The following CTTNBP2 variants were observed in gnomAD, a reference collection of about 807,000 sequenced individuals.
CTTNBP2 encodes cortactin-binding protein 2.
CTTNBP2 carries 108 observed loss-of-function variants against 156.9 expected under a neutral mutation model. That is an observed-to-expected ratio of 0.69 (90% CI 0.59 to 0.81). The LOEUF (loss-of-function observed/expected upper bound fraction) is 0.81, where lower values mean the gene tolerates loss of function less well. Among genes scored for constraint, CTTNBP2 ranks in the 30% least tolerant of loss-of-function variants. CTTNBP2 has a pLI of 0.00. For synonymous variants in CTTNBP2, 767 were observed against 751.8 expected, an observed-to-expected ratio of 1.02 and a Z score of -0.33; for missense variants, 1,924 against 2,035.4, an observed-to-expected ratio of 0.95 and a Z score of 1.05.
intron 2 of CTTNBP2, among the ~76,000 whole-genome samples, chr7:117,843,012 C>T (rs1309165776): frequency 6.6e-6 from 1 of 152,106 alleles, no homozygotes; most frequent in East Asian, 1.9e-4. Context: ...GATTCACACT[C>T]ACAGATTCAA....
intron 1 of CTTNBP2, among the ~76,000 whole-genome samples, chr7:117,867,778 C>G (rs968984467): frequency 7.9e-5 from 12 of 152,120 alleles, no homozygotes; most frequent in African/African-American, 2.4e-4. Flanking sequence ...ACATATAGTA[C>G]GAGAACATGA....
chr7:117,746,550 TGA>T (rs1314531605), intron 12 of CTTNBP2, among the ~76,000 whole-genome samples: 1 of 152,238 alleles, frequency 6.6e-6, no homozygotes, highest in Non-Finnish European at 1.5e-5. Flanking sequence ...AAAAAATTAC[TGA>T]GTGTCAGCAC....
chr7:117,861,159 G>A (rs769954048), intron 2 of CTTNBP2, 50 bp downstream of exon 2: 1 of 1,183,596 alleles, frequency 8.4e-7, no homozygotes. Flanking sequence ...ATGGCTCTTT[G>A]AAAAAAGCAA....
At chr7:117,854,941 C>A (rs547075148) in intron 2 of CTTNBP2, among the ~76,000 whole-genome samples, 1 of 152,236 alleles carries the variant, frequency 6.6e-6, no homozygotes, top group East Asian at 1.9e-4. Flanking sequence ...TGTGCCACTG[C>A]ACCTGGCTAA....
chr7:117,732,758 CAG>C (rs1324119400), intron 16 of CTTNBP2, among the ~76,000 whole-genome samples: 5 of 150,162 alleles, frequency 3.3e-5, no homozygotes, highest in African/African-American at 7.4e-5. Context: ...GATATTAAGA[CAG>C]GGGACAATTG....
chr7:117,721,699 TG>T (rs1227172415), intron 19 of CTTNBP2, among the ~76,000 whole-genome samples: 5 of 152,234 alleles, frequency 3.3e-5, no homozygotes, highest in Admixed American at 1.3e-4. Flanking sequence ...GAAAATCATA[TG>T]TTTTTTAAAC....
chr7:117,762,068 T>C (rs1194453364), intron 9 of CTTNBP2, among the ~76,000 whole-genome samples: 2 of 152,202 alleles, frequency 1.3e-5, no homozygotes, highest in African/African-American at 4.8e-5. Flanking sequence ...CTCTTTAATG[T>C]TGTTCCTTTG....
At chr7:117,714,159 T>C (rs888190253) in intron 22 of CTTNBP2, 1 of 152,252 alleles carries the variant, frequency 6.6e-6, no homozygotes, top group Non-Finnish European at 1.5e-5. Context: ...GTTCTGCTTT[T>C]GTTTTGTAAA....
At chr7:117,801,409 G>C (rs1192578105) in intron 3 of CTTNBP2, among the ~76,000 whole-genome samples, 1 of 152,028 alleles carries the variant, frequency 6.6e-6, no homozygotes, top group Non-Finnish European at 1.5e-5. Context: ...GAAATATCAG[G>C]GTAAATAAAG....
chr7:117,734,883 TG>T (rs1260722692), intron 16 of CTTNBP2, 29 bp downstream of exon 16: 2 of 1,542,206 alleles, frequency 1.3e-6, no homozygotes, highest in Non-Finnish European at 1.8e-6. Flanking sequence ...CCTGCTCTCC[TG>T]GCAACAGGCT....
intron 22 of CTTNBP2, among the ~76,000 whole-genome samples, chr7:117,716,951 GC>G (rs887352686): frequency 7.9e-5 from 12 of 152,232 alleles, no homozygotes; most frequent in African/African-American, 2.9e-4. Context: ...TGCTCTCTGC[GC>G]CCCACCTTCC....
rs561482737 is a variant in CTTNBP2 at position 117,803,481 on chromosome 7, C to T, written c.414+7284G>A. ...TCAATCACACCCCAAAACTCAGCATCATACGATATGCCAATGTGAACCTGC... is the reference window on the plus strand; with the variant it reads ...TCAATCACACCCCAAAACTCAGCATTATACGATATGCCAATGTGAACCTGC... On this transcript the variant is annotated intron_variant, in intron 3 of 22. Coordinates refer to ENST00000160373, the MANE Select transcript of CTTNBP2 (RefSeq NM_033427.3). 2.0e-5 allele frequency among the ~76,000 whole-genome samples: 3 copies of T among 152,306 alleles called. No homozygotes were observed. In the East Asian group the frequency reaches 5.8e-4, roughly 29 times the overall value.
intron 3 of CTTNBP2, among the ~76,000 whole-genome samples, chr7:117,807,872 G>A (rs938523267): frequency 6.6e-6 from 1 of 152,214 alleles, no homozygotes; most frequent in Non-Finnish European, 1.5e-5. Context: ...TGCTAGCCAT[G>A]CTGAACCACG....
chr7:117,870,610 T>C (rs1018427406), intron 1 of CTTNBP2, among the ~76,000 whole-genome samples: 8 of 152,244 alleles, frequency 5.3e-5, no homozygotes, highest in Non-Finnish European at 1.0e-4. Flanking sequence ...AATATAGCTC[T>C]AAAAAGATCT....
Position 117,731,690 on chromosome 7 carries a change from G to A in CTTNBP2, c.3876+3223C>T, listed in dbSNP as rs144290578. Among the ~76,000 whole-genome samples the A allele has an allele frequency of 7.2e-5, 11 of 152,304 alleles. No homozygotes were observed. In the East Asian group the frequency reaches 1.7e-3, roughly 24 times the overall value. Reference sequence around the variant, plus strand: ...TTGGAAAATGCTATGACTGACTGACGGGAAGAACAGGCTGAGAAGTTCTAA... The same window carrying A: ...TTGGAAAATGCTATGACTGACTGACAGGAAGAACAGGCTGAGAAGTTCTAA... On this transcript the variant is annotated intron_variant, in intron 16 of 22. Coordinates refer to ENST00000160373, the MANE Select transcript of CTTNBP2 (RefSeq NM_033427.3).
At position 117,783,073 on chromosome 7, in the gene CTTNBP2, G is replaced by A. The variant is rs938942903; in HGVS notation, c.2273-112C>T. ...TCCCAAAGGGACTCTCCCCTGCACA[G>A]TTCATCTCAGAATTCCATCATGGCA... is the stretch of plus-strand genomic sequence containing the variant. On this transcript the variant is annotated intron_variant, in intron 5 of 22. Coordinates refer to ENST00000160373, the MANE Select transcript of CTTNBP2 (RefSeq NM_033427.3). The A allele has an allele frequency of 1.1e-5, 7 of 657,260 alleles. No homozygotes were observed. In the Admixed American group the frequency reaches 1.9e-4, roughly 17 times the overall value. 40.7% of individuals were successfully genotyped at this position (657,260 alleles called of 1,614,324 possible).
intron 12 of CTTNBP2, among the ~76,000 whole-genome samples, chr7:117,747,404 A>G (rs1173688650): frequency 6.6e-6 from 1 of 152,226 alleles, no homozygotes; most frequent in Admixed American, 6.5e-5. Context: ...ATTGTGGGAT[A>G]TAAAAGGAAG....
At chr7:117,724,900 C>T (rs911506358) in intron 18 of CTTNBP2, 152 bp downstream of exon 18, 18 of 995,678 alleles carry the variant, frequency 1.8e-5, no homozygotes, top group Non-Finnish European at 2.7e-5. Flanking sequence ...AGAATTCAAA[C>T]ATTAACCAGT....
chr7:117,789,725 T>C (rs752375805), intron 4 of CTTNBP2, among the ~76,000 whole-genome samples: 6 of 149,592 alleles, frequency 4.0e-5, no homozygotes, highest in Non-Finnish European at 5.9e-5. Context: ...TGATTACTCA[T>C]GCTATTCTAA....
Sources: allele counts gnomAD v4.1 joint callset (sites outside exome capture counted in the v4.1 genomes callset), GRCh38; gene constraint gnomAD v4.1.1; transcripts MANE v1.5; gene names NCBI Gene and HGNC (gene_info 2026-07-23, HGNC 2026-07-21).